Variants in GRK6 observed in about 807,000 individuals in gnomAD.
GRK6 encodes G protein-coupled receptor kinase 6.
Under a neutral mutation model 80.8 loss-of-function variants are expected in GRK6, and 37 were observed. The observed-to-expected ratio is 0.46, with a 90% CI of 0.35 to 0.60. The LOEUF is 0.60. Among genes scored for constraint, GRK6 ranks in the 20% least tolerant of loss-of-function variants. The probability of loss-of-function intolerance (pLI) is 0.00; values close to 1 mark genes in which losing one functional copy is unlikely to be tolerated. For synonymous variants in GRK6, 295 were observed against 320.9 expected, an observed-to-expected ratio of 0.92 and a Z score of 0.86; for missense variants, 560 against 784.6, an observed-to-expected ratio of 0.71 and a Z score of 3.42.
At chr5:177,430,021 GTT>G (rs35292164) in intron 1 of GRK6, among the ~76,000 whole-genome samples, 78 of 146,856 alleles carry the variant, frequency 5.3e-4, no homozygotes, top group African/African-American at 1.1e-3. Context: ...GCTGCAGTGA[GTT>G]TTTTTTTTTT....
chr5:177,437,460 CCTT>C (rs1764215218), intron 13 of GRK6, among the ~76,000 whole-genome samples: 1 of 152,126 alleles, frequency 6.6e-6, no homozygotes, highest in Admixed American at 6.5e-5. Context: ...GGCTGGCCAT[CCTT>C]CTGTGGGTGG....
intron 12 of GRK6, 23 bp from the exon 13 acceptor site, chr5:177,436,370 T>C: frequency 7.7e-7 from 1 of 1,301,638 alleles, no homozygotes; most frequent in Non-Finnish European, 1.0e-6. Context: ...CTGGCCTGCC[T>C]GGCCGACTCA....
chr5:177,435,861 G>T (rs1216231982), intron 11 of GRK6, among the ~76,000 whole-genome samples: 1 of 152,348 alleles, frequency 6.6e-6, no homozygotes, highest in Admixed American at 6.5e-5. Flanking sequence ...GACTTCTTGT[G>T]TAAAATCTGA....
At chr5:177,441,320 C>G in intron 15 of GRK6, 1 of 1,543,520 alleles carries the variant, frequency 6.5e-7, no homozygotes, top group Non-Finnish European at 8.8e-7. Flanking sequence ...CCTTCCATGG[C>G]AAAGGCAAGA....
chr5:177,426,093 C>T (rs1004175432), upstream of GRK6, among the ~76,000 whole-genome samples: 2 of 152,210 alleles, frequency 1.3e-5, no homozygotes, highest in African/African-American at 2.4e-5. Context: ...GAGGCCGCAG[C>T]CTCCTCCCTG....
rs1372858560 is a variant in GRK6, at chr5:177,436,235, A to G, written c.1220A>G (p.Glu407Gly). 3.7e-6 allele frequency: 6 copies of G among 1,614,100 alleles called. No homozygotes were observed. The highest frequency in any genetic ancestry group is 5.1e-6 in the Non-Finnish European group (6 of 1,180,006). The change falls in exon 12 of 16, where the codon GAG becomes GGG. Residue 407 changes from glutamate to glycine, a missense_variant. Around this residue, in one of 3 missense-constraint regions of GRK6, gnomAD observed 294 missense variants for 397.4 expected, o/e 0.74. Coordinates refer to ENST00000355472, the MANE Select transcript of GRK6 (RefSeq NM_001004106.3). Reference sequence around the variant, plus strand: ...CGGCTGGTGAAGGAGGTCCCCGAGGAGTATTCCGAGCGCTTTTCCCCGCAG... The same window carrying G: ...CGGCTGGTGAAGGAGGTCCCCGAGGGGTATTCCGAGCGCTTTTCCCCGCAG... Reference protein sequence around the residue: ...VERLVKEVPEEYSERFSPQAR... With the variant: ...VERLVKEVPEGYSERFSPQAR...
upstream of GRK6, among the ~76,000 whole-genome samples, chr5:177,426,245 C>T (rs1173329784): frequency 2.0e-5 from 3 of 152,244 alleles, no homozygotes; most frequent in Non-Finnish European, 4.4e-5. Flanking sequence ...CCTAGAAAAG[C>T]CGTCTGCGAG....
chr5:177,436,011 TG>T, intron 11 of GRK6, 61 bp from the exon 12 acceptor site: 10 of 1,448,400 alleles, frequency 6.9e-6, no homozygotes, highest in African/African-American at 1.4e-5. Flanking sequence ...CTGGCGTTCC[TG>T]GGGCCTGAGG....
Position 177,429,273 on chromosome 5 carries a change from C to T in GRK6, c.53-1599C>T, listed in dbSNP as rs556695538. Among the ~76,000 whole-genome samples the T allele has an allele frequency of 1.3e-5, 2 of 152,184 alleles. No homozygotes were observed. The highest frequency in any genetic ancestry group is 4.8e-5 in the African/African-American group (2 of 41,500). ...CACTCAGAGGCATGGGGAGGGGGCC[C>T]AGGGACACTGAAAGGGGACAGGGAG... is the stretch of plus-strand genomic sequence containing the variant. On this transcript the variant is annotated intron_variant, in intron 1 of 15. Coordinates refer to ENST00000355472, the MANE Select transcript of GRK6 (RefSeq NM_001004106.3). The surrounding 1 kb of genome is among the most constrained non-coding windows in gnomAD (Gnocchi z 4.3).
chr5:177,435,828 T>G (rs4976694), intron 11 of GRK6, among the ~76,000 whole-genome samples: 3,619 of 152,366 alleles, frequency 0.024, 63 homozygotes, highest in Non-Finnish European at 0.031. Context: ...CCAGATGGTT[T>G]CACATACAAA....
chr5:177,435,224 T>C, intron 11 of GRK6, 103 bp downstream of exon 11: 1 of 827,930 alleles, frequency 1.2e-6, no homozygotes, highest in Non-Finnish European at 1.9e-6. Flanking sequence ...AAAAGGGGCC[T>C]CAGTAGAAAG....
intron 15 of GRK6, 82 bp from the exon 16 acceptor site, chr5:177,441,655 T>G (rs1581693935): frequency 8.6e-7 from 1 of 1,159,810 alleles, no homozygotes. Flanking sequence ...CCTGGCAGGG[T>G]CGGCCCCATG....
chr5:177,432,535 G>A (rs572005965), intron 4 of GRK6, among the ~76,000 whole-genome samples, 171 bp from the exon 5 acceptor site: 12 of 152,318 alleles, frequency 7.9e-5, no homozygotes, highest in Non-Finnish European at 1.6e-4. Context: ...GCTCTGCTGC[G>A]CTCTGCCTCA....
rs577407289 is a variant in GRK6 at position 177,429,203 on chromosome 5, A to T, written c.53-1669A>T. Among the ~76,000 whole-genome samples, 1 of 152,016 alleles carries T rather than the reference A, an allele frequency of 6.6e-6. No homozygotes were observed. The highest frequency in any genetic ancestry group is 2.4e-5 in the African/African-American group (1 of 41,478). On this transcript the variant is annotated intron_variant, in intron 1 of 15. Transcript: ENST00000355472. This position sits in a 1 kb window ranked among gnomAD's most constrained non-coding sequence, Gnocchi z 4.3. ...GTTGCTGTGAGGATGGAGTGGGACA[A>T]CGCTGGGGCTTGAGACCTCCCTCAG...
In GRK6 at chr5:177,433,554, C is replaced by T. The variant is rs780891929; in HGVS notation, c.616C>T (p.Arg206Trp). The change falls in exon 8 of 16, where the codon CGG (arginine) becomes TGG (tryptophan). Residue 206 changes from arginine to tryptophan, a missense_variant. Coordinates refer to ENST00000355472, the MANE Select transcript of GRK6 (RefSeq NM_001004106.3). ...GFGEVCACQV[R>W]ATGKMYACKK... is the part of the protein sequence containing the mutation. ...GCCACAGGTGTGCGCCTGCCAGGTG[C>T]GGGCCACAGGTAAGATGTATGCCTG... is the stretch of plus-strand genomic sequence containing the variant. 3 of 1,613,896 alleles carry T rather than the reference C, an allele frequency of 1.9e-6. No individual in the cohort carries two copies. Among genetic ancestry groups the T allele is most frequent in the Non-Finnish European group, 1.7e-6 (2 of 1,180,012 alleles).
intron 11 of GRK6, 102 bp from the exon 12 acceptor site, chr5:177,435,971 G>A: frequency 1.0e-6 from 1 of 969,406 alleles, no homozygotes; most frequent in Non-Finnish European, 1.6e-6. Flanking sequence ...CTGGCCAGCG[G>A]GTGTGAGTGT....
Position 177,433,903 on chromosome 5 carries a change from C to T in GRK6, c.739-11C>T. ...GCTCCTGCCTGAGGGCTCGGGTCCCCTCGGCCACAGGTGAGCTTGGCCTAC... is the reference window on the plus strand; with the variant it reads ...GCTCCTGCCTGAGGGCTCGGGTCCCTTCGGCCACAGGTGAGCTTGGCCTAC... On this transcript the variant is annotated splice_polypyrimidine_tract_variant and intron_variant, in intron 8 of 15. Coordinates refer to ENST00000355472, the MANE Select transcript of GRK6 (RefSeq NM_001004106.3). 1.3e-6 allele frequency: 2 copies of T among 1,550,550 alleles called. No individual in the cohort carries two copies. The highest frequency in any genetic ancestry group is 1.9e-5 in the Admixed American group (1 of 52,094).
chr5:177,433,726 G>C, intron 8 of GRK6, 50 bp downstream of exon 8: 1 of 1,602,154 alleles, frequency 6.2e-7, no homozygotes, highest in Non-Finnish European at 8.5e-7. Context: ...CTGGCGCACC[G>C]ACCGTCCCCA....
intron 2 of GRK6, among the ~76,000 whole-genome samples, chr5:177,431,253 G>A (rs1464925660): frequency 6.6e-6 from 1 of 152,204 alleles, no homozygotes; most frequent in Non-Finnish European, 1.5e-5. Context: ...AGCCAGCTAG[G>A]GTGAGCAGGG....
Sources: allele counts gnomAD v4.1 joint callset (sites outside exome capture counted in the v4.1 genomes callset), GRCh38; gene constraint gnomAD v4.1.1; regional missense constraint gnomAD v4.1.1; non-coding constraint Gnocchi (gnomAD v3.1); transcripts MANE v1.5; gene names NCBI Gene and HGNC (gene_info 2026-07-23, HGNC 2026-07-21).